The following TIE1 variants were observed in gnomAD, a reference collection of about 807,000 sequenced individuals.
The protein encoded by TIE1 is tyrosine-protein kinase receptor Tie-1.
TIE1 carries 89 observed loss-of-function variants against 130.5 expected under a neutral mutation model. That is an observed-to-expected ratio of 0.68 (90% CI 0.57 to 0.81). The LOEUF (loss-of-function observed/expected upper bound fraction) is 0.81. TIE1 is among the 40% of genes least tolerant of loss of function. TIE1 has a pLI of 0.00. For synonymous variants in TIE1, 568 were observed against 629.4 expected (o/e 0.90, Z 1.46); for missense variants, 1,392 against 1,559.8 (o/e 0.89, Z 1.81).
rs1468702120 is a variant in TIE1, at chr1:43,309,497, G to A, written c.1298G>A (p.Gly433Asp). Residue 433 changes from glycine to aspartate, a missense_variant, in exon 9 of 23, where the codon GGC (glycine) becomes GAC (aspartate). Coordinates refer to ENST00000372476, the MANE Select transcript of TIE1 (RefSeq NM_005424.5). This position sits in a 1 kb window ranked among gnomAD's most constrained non-coding sequence, Gnocchi z 6.3. The part of the protein sequence containing the change: ...FWECRVSTSG[G>D]QDSRRFKVNV... ...GAGTGCCGTGTGTCCACATCTGGCGGCCAAGACAGCCGGCGCTTCAAGGTC... is the reference window on the plus strand; with the variant it reads ...GAGTGCCGTGTGTCCACATCTGGCGACCAAGACAGCCGGCGCTTCAAGGTC... 1 of 1,601,150 alleles carries A rather than the reference G, an allele frequency of 6.2e-7. No homozygotes were observed. Among genetic ancestry groups the A allele is most frequent in the Admixed American group, 1.8e-5 (1 of 56,350 alleles).
chr1:43,316,549 A>G lies in TIE1; in HGVS notation c.2410-650A>G, dbSNP rs1425601826. Reference sequence around the variant, plus strand: ...GAAATTGGACATTCCTCTTTGTTATAGTCTTGCTATTTTCAGGTCCTGGCC... The same window carrying G: ...GAAATTGGACATTCCTCTTTGTTATGGTCTTGCTATTTTCAGGTCCTGGCC... On this transcript the variant is annotated intron_variant, in intron 14 of 22. Transcript: ENST00000372476. This position sits in a 1 kb window ranked among gnomAD's most constrained non-coding sequence, Gnocchi z 4.4. Among the ~76,000 whole-genome samples the G allele has an allele frequency of 6.6e-6, 1 of 152,072 alleles. No homozygotes were observed. Among genetic ancestry groups the G allele is most frequent in the African/African-American group, 2.4e-5 (1 of 41,392 alleles).
rs1646822946 is a variant in TIE1, at chr1:43,313,456, G to A, written c.2218+31G>A. The A allele has an allele frequency of 1.2e-6, 2 of 1,611,284 alleles. No homozygotes were observed. Among genetic ancestry groups the A allele is most frequent in the Non-Finnish European group, 1.7e-6 (2 of 1,178,664 alleles). On this transcript the variant is annotated intron_variant, in intron 13 of 22. Transcript: ENST00000372476. This position sits in a 1 kb window ranked among gnomAD's most constrained non-coding sequence, Gnocchi z 6.2. The stretch of plus-strand genomic sequence containing the variant: ...AGGGCAGGGCCCACAGGACCCCCCG[G>A]GCTCTGAGCGGGGAGAGCTCAGCAC...
rs752698629 is a variant in TIE1 at position 43,321,032 on chromosome 1, C to CAA, written c.3108-216_3108-215dup. 4.7e-3 allele frequency among the ~76,000 whole-genome samples: 456 copies of CAA among 97,042 alleles called. 11 individuals are homozygous for CAA. The highest frequency in any genetic ancestry group is 0.014 in the African/African-American group (310 of 21,456). The allele number at this position is 97,042 out of a possible 152,430, so 63.7% of individuals were successfully genotyped here. A position where few individuals can be genotyped will look rare whatever the true frequency, so the allele number is the denominator to read the frequency against. On this transcript the variant is annotated intron_variant, in intron 19 of 22. Coordinates refer to ENST00000372476, the MANE Select transcript of TIE1 (RefSeq NM_005424.5). The stretch of plus-strand genomic sequence containing the variant: ...TGGGTGACAGAGTGAGACCCTGTCT[C>CAA]AAAAAAAAAAAAAAAAAAAAAACAA...
chr1:43,301,733 G>A (rs1646672452), intron 1 of TIE1, among the ~76,000 whole-genome samples: 1 of 152,206 alleles, frequency 6.6e-6, no homozygotes, highest in Non-Finnish European at 1.5e-5. Flanking sequence ...GCCGGGCGTG[G>A]TGGCAGGAGC....
rs992408182 is a variant in TIE1, at chr1:43,309,655, G to A, written c.1333+123G>A. On this transcript the variant is annotated intron_variant, in intron 9 of 22. Transcript: ENST00000372476. This position sits in a 1 kb window ranked among gnomAD's most constrained non-coding sequence, Gnocchi z 6.3. ...CATCTAAGGTCATAGCCTAGCACCA[G>A]ACAAAAAGCGGGGTTGTGGTCAACC... The A allele has an allele frequency of 4.5e-6, 6 of 1,326,854 alleles. No homozygotes were observed. Among genetic ancestry groups the A allele is most frequent in the Middle Eastern group, 1.9e-4 (1 of 5,168 alleles). The allele number at this position is 1,326,854 out of a possible 1,614,324, so 82.2% of individuals were successfully genotyped here. A position where few individuals can be genotyped will look rare whatever the true frequency, so the allele number is the denominator to read the frequency against.
rs1405216035 is a variant in TIE1, at chr1:43,306,368, G to A, written c.485-472G>A. On this transcript the variant is annotated intron_variant, in intron 3 of 22. Coordinates refer to ENST00000372476, the MANE Select transcript of TIE1 (RefSeq NM_005424.5). The surrounding 1 kb of genome is among the most constrained non-coding windows in gnomAD (Gnocchi z 4.9). ...GAATGGGGCTGGATGGCTTGGCCAC[G>A]GCCAAGTTGGTGAAAATGATGTCTA... 2.6e-5 allele frequency among the ~76,000 whole-genome samples: 4 copies of A among 152,188 alleles called. No homozygotes were observed. The highest frequency in any genetic ancestry group is 1.3e-4 in the Admixed American group (2 of 15,288).
chr1:43,322,923 C>T lies in TIE1; in HGVS notation c.*201C>T, dbSNP rs1205380377. ...GCTTTGTAGGTGTCTCATAGCTATC[C>T]TGGGCATCCTTCTTTCTAGTTCAGC... On this transcript the variant is annotated 3_prime_UTR_variant, in exon 23 of 23. Transcript: ENST00000372476. This position sits in a 1 kb window ranked among gnomAD's most constrained non-coding sequence, Gnocchi z 4.0. 1.8e-6 allele frequency: 1 copy of T among 563,436 alleles called. No individual in the cohort carries two copies. Among genetic ancestry groups the T allele is most frequent in the African/African-American group, 1.9e-5 (1 of 53,072 alleles). 34.9% of individuals were successfully genotyped at this position (563,436 alleles called of 1,614,324 possible).
Position 43,307,753 on chromosome 1 carries a change from C to T in TIE1, c.914-43C>T, listed in dbSNP as rs1646745413. On this transcript the variant is annotated intron_variant, in intron 6 of 22. Transcript: ENST00000372476. This position sits in a 1 kb window ranked among gnomAD's most constrained non-coding sequence, Gnocchi z 5.4. The stretch of plus-strand genomic sequence containing the variant: ...GCGCCCTCATCTGTGCCCTCATTGC[C>T]CCCTGTCCCATGCCCCTCTAATCAT... 1.9e-6 allele frequency: 3 copies of T among 1,612,002 alleles called. No individual in the cohort carries two copies. Among genetic ancestry groups the T allele is most frequent in the Non-Finnish European group, 2.5e-6 (3 of 1,178,584 alleles).
chr1:43,309,346 GC>G lies in TIE1; in HGVS notation c.1189-39del. 1 of 1,547,374 alleles carries G rather than the reference GC, an allele frequency of 6.5e-7. No individual in the cohort carries two copies. Among genetic ancestry groups the G allele is most frequent in the Non-Finnish European group, 8.7e-7 (1 of 1,150,186 alleles). On this transcript the variant is annotated intron_variant, in intron 8 of 22. Transcript: ENST00000372476. The surrounding 1 kb of genome is among the most constrained non-coding windows in gnomAD (Gnocchi z 6.3). ...ACACCTGGGTGCCTGCCACAGAGGTGCCCGTTCCCTGTGACCTGTCCCCTTC... is the reference window on the plus strand; with the variant it reads ...ACACCTGGGTGCCTGCCACAGAGGTGCCGTTCCCTGTGACCTGTCCCCTTC...
Position 43,305,215 on chromosome 1 carries a change from C to T in TIE1, c.374-18C>T. On this transcript the variant is annotated intron_variant, in intron 2 of 22. Transcript: ENST00000372476. ...GCGCGGGGAAAACCAGGCCGCTGAC[C>T]CACCTTCCACCCCGCAGCCCACCTG... is the stretch of plus-strand genomic sequence containing the variant. 1 of 1,613,856 alleles carries T rather than the reference C, an allele frequency of 6.2e-7. No individual in the cohort carries two copies. Among genetic ancestry groups the T allele is most frequent in the Non-Finnish European group, 8.5e-7 (1 of 1,179,860 alleles).
rs1364624582 is a variant in TIE1 at position 43,309,248 on chromosome 1, T to C, written c.1188+117T>C. 18 of 1,505,538 alleles carry C rather than the reference T, an allele frequency of 1.2e-5. No homozygotes were observed. The East Asian group carries it at 4.1e-4, about 34-fold the overall frequency. The allele number at this position is 1,505,538 out of a possible 1,614,324, so 93.3% of individuals were successfully genotyped here. ...CAGGGCCCACCCATTGGCCTGACCA[T>C]TGCTCACATGAGGTCAGGCTGATTG... is the stretch of plus-strand genomic sequence containing the variant. On this transcript the variant is annotated intron_variant, in intron 8 of 22. Transcript: ENST00000372476. This position sits in a 1 kb window ranked among gnomAD's most constrained non-coding sequence, Gnocchi z 6.3.
At chr1:43,305,439 G>T (rs983997096) in intron 3 of TIE1, 96 bp downstream of exon 3, 2 of 1,159,306 alleles carry the variant, frequency 1.7e-6, no homozygotes, top group Non-Finnish European at 1.2e-6. Flanking sequence ...TTTGGCCCCT[G>T]ACACACCCGA....
Position 43,306,936 on chromosome 1 carries a change from G to A in TIE1, c.581G>A (p.Ser194Asn), listed in dbSNP as rs1467398037. 6.2e-7 allele frequency: 1 copy of A among 1,614,060 alleles called. No homozygotes were observed. Among genetic ancestry groups the A allele is most frequent in the Non-Finnish European group, 8.5e-7 (1 of 1,180,024 alleles). ...CAGCCACCATCGAGCGGCATCTACA[G>A]TGCCACTTACCTGGAAGCCAGCCCC... ...NVQPPSSGIY[S>N]ATYLEASPLG... Residue 194 changes from serine to asparagine, a missense_variant, in exon 4 of 23, where the codon AGT becomes AAT. Ser to Asn is a conservative substitution (Grantham distance 46). Transcript: ENST00000372476. The surrounding 1 kb of genome is among the most constrained non-coding windows in gnomAD (Gnocchi z 4.9).
Position 43,319,207 on chromosome 1 carries a change from C to A in TIE1, c.2923-28C>A. The A allele has an allele frequency of 6.4e-7, 1 of 1,574,220 alleles. No individual in the cohort carries two copies. Among genetic ancestry groups the A allele is most frequent in the South Asian group, 1.1e-5 (1 of 90,438 alleles). On this transcript the variant is annotated intron_variant, in intron 17 of 22. Transcript: ENST00000372476. This position sits in a 1 kb window ranked among gnomAD's most constrained non-coding sequence, Gnocchi z 4.7. ...TGTCCTGGGCTCCCTCATCCCCAGT[C>A]TCTCCTGACTTCTGACCCTGCCTAC...
intron 9 of TIE1, among the ~76,000 whole-genome samples, chr1:43,310,414 A>G (rs1396705539): frequency 6.6e-6 from 1 of 152,218 alleles, no homozygotes; most frequent in East Asian, 1.9e-4. Context: ...GGGGATAGCT[A>G]GCACTTGATG....
Position 43,313,471 on chromosome 1 carries a change from G to C in TIE1, c.2218+46G>C, listed in dbSNP as rs1284037253. 2.5e-6 allele frequency: 4 copies of C among 1,605,276 alleles called. No individual in the cohort carries two copies. Among genetic ancestry groups the C allele is most frequent in the Non-Finnish European group, 2.6e-6 (3 of 1,174,902 alleles). On this transcript the variant is annotated intron_variant, in intron 13 of 22. Coordinates refer to ENST00000372476, the MANE Select transcript of TIE1 (RefSeq NM_005424.5). The surrounding 1 kb of genome is among the most constrained non-coding windows in gnomAD (Gnocchi z 6.2). ...GGACCCCCCGGGCTCTGAGCGGGGAGAGCTCAGCACGCTCTCCTTCCACAT... is the reference window on the plus strand; with the variant it reads ...GGACCCCCCGGGCTCTGAGCGGGGACAGCTCAGCACGCTCTCCTTCCACAT...
rs936948522 is a variant in TIE1, at chr1:43,301,090, C to G, written c.19C>G (p.Pro7Ala). Residue 7 changes from proline to alanine, a missense_variant, in exon 1 of 23, where the codon CCT (proline) becomes GCT (alanine). Physicochemically the swap from Pro to Ala is conservative, Grantham distance 27. Transcript: ENST00000372476. The stretch of plus-strand genomic sequence containing the variant: ...CTGGAGTATGGTCTGGCGGGTGCCC[C>G]CTTTCTTGCTCCCCATCCTCTTCTT... MVWRVPPFLLPILFLAS... is the reference protein window; with the variant it reads MVWRVPAFLLPILFLAS... 1.5e-5 allele frequency: 24 copies of G among 1,613,756 alleles called. No individual in the cohort carries two copies. The African/African-American group carries it at 2.0e-4, about 13-fold the overall frequency.
Position 43,312,688 on chromosome 1 carries a change from TAGG to T in TIE1, c.1927+90_1927+92del. ...GAGACCTAGGAGACACGGGAGGCTG[TAGG>T]AGATTAATGGACATGGAGAGGACAC... On this transcript the variant is annotated intron_variant, in intron 12 of 22. Transcript: ENST00000372476. This position sits in a 1 kb window ranked among gnomAD's most constrained non-coding sequence, Gnocchi z 5.6. 1 of 1,448,840 alleles carries T rather than the reference TAGG, an allele frequency of 6.9e-7. No homozygotes were observed. Among genetic ancestry groups the T allele is most frequent in the Admixed American group, 2.1e-5 (1 of 47,006 alleles). 89.7% of individuals were successfully genotyped at this position (1,448,840 alleles called of 1,614,324 possible).
Position 43,309,653 on chromosome 1 carries a change from C to A in TIE1, c.1333+121C>A. Reference sequence around the variant, plus strand: ...GACATCTAAGGTCATAGCCTAGCACCAGACAAAAAGCGGGGTTGTGGTCAA... The same window carrying A: ...GACATCTAAGGTCATAGCCTAGCACAAGACAAAAAGCGGGGTTGTGGTCAA... On this transcript the variant is annotated intron_variant, in intron 9 of 22. Transcript: ENST00000372476. The surrounding 1 kb of genome is among the most constrained non-coding windows in gnomAD (Gnocchi z 6.3). 1 of 1,338,996 alleles carries A rather than the reference C, an allele frequency of 7.5e-7. No homozygotes were observed. 82.9% of individuals were successfully genotyped at this position (1,338,996 alleles called of 1,614,324 possible). A position where few individuals can be genotyped will look rare whatever the true frequency, so the allele number is the denominator to read the frequency against.
Sources: allele counts gnomAD v4.1 joint callset (sites outside exome capture counted in the v4.1 genomes callset), GRCh38; gene constraint gnomAD v4.1.1; non-coding constraint Gnocchi (gnomAD v3.1); transcripts MANE v1.5; gene names NCBI Gene and HGNC (gene_info 2026-07-23, HGNC 2026-07-21).